CD109: variants seen among roughly 807,000 people sequenced by gnomAD.
The protein encoded by CD109 is CD109 antigen.
In CD109, 149 loss-of-function variants were observed where a neutral mutation model predicts 165.8. The ratio of observed to expected loss-of-function variants is 0.90; its 90% CI spans 0.79 to 1.03. The LOEUF (loss-of-function observed/expected upper bound fraction) is 1.03. Among genes scored for constraint, CD109 ranks in the 50% least tolerant of loss-of-function variants. The pLI is 0.00. For synonymous variants in CD109, 585 were observed against 592.1 expected (o/e 0.99, Z 0.18); for missense variants, 1,712 against 1,677.8 (o/e 1.02, Z -0.36).
rs75884693 is a variant in CD109, at chr6:73,767,788, G to T, written c.1498-267G>T. ...ATTTTGCTAATTCAGCTTTCCCAATGGTGCCCTGTATTCCTTGCAATCAAA... is the reference window on the plus strand; with the variant it reads ...ATTTTGCTAATTCAGCTTTCCCAATTGTGCCCTGTATTCCTTGCAATCAAA... On this transcript the variant is annotated intron_variant, in intron 13 of 32. Coordinates refer to ENST00000287097, the MANE Select transcript of CD109 (RefSeq NM_133493.5). Among the ~76,000 whole-genome samples the T allele has an allele frequency of 3.8e-3, 580 of 152,222 alleles. 2 individuals are homozygous for T. The highest frequency in any genetic ancestry group is 0.013 in the African/African-American group (558 of 41,552).
At chr6:73,796,644 G>A (rs1193817350) in intron 23 of CD109, among the ~76,000 whole-genome samples, 1 of 152,082 alleles carries the variant, frequency 6.6e-6, no homozygotes, top group Non-Finnish European at 1.5e-5. Context: ...TCCAGAATGG[G>A]CGAATAACTT....
Position 73,768,250 on chromosome 6 carries a change from A to T in CD109, c.1674+19A>T. 6.9e-7 allele frequency: 1 copy of T among 1,458,054 alleles called. No homozygotes were observed. The highest frequency in any genetic ancestry group is 9.5e-7 in the Non-Finnish European group (1 of 1,053,874). 90.3% of individuals were successfully genotyped at this position (1,458,054 alleles called of 1,614,324 possible). A position where few individuals can be genotyped will look rare whatever the true frequency, so the allele number is the denominator to read the frequency against. ...AAATAAGGTAAGATTTAAGGTAATG[A>T]TGTTTAAAAGAAAACTTTATATTAG... On this transcript the variant is annotated intron_variant, in intron 14 of 32. Coordinates refer to ENST00000287097, the MANE Select transcript of CD109 (RefSeq NM_133493.5).
At chr6:73,766,216 G>A in intron 11 of CD109, 62 bp downstream of exon 11, 3 of 1,325,970 alleles carry the variant, frequency 2.3e-6, no homozygotes, top group Non-Finnish European at 3.2e-6. Flanking sequence ...TAATCTTGTG[G>A]TAGGCACTCA....
chr6:73,719,840 GAA>G (rs1771878463), intron 2 of CD109, among the ~76,000 whole-genome samples: 1 of 152,132 alleles, frequency 6.6e-6, no homozygotes. Context: ...TGGTTCCTTT[GAA>G]AGTTTTACCA....
chr6:73,744,057 A>G (rs9442955), intron 5 of CD109, among the ~76,000 whole-genome samples: 69,980 of 152,070 alleles, frequency 0.46, 17,777 homozygotes, highest in African/African-American at 0.69. Context: ...TAAGATATAT[A>G]TGTAAAATTT....
intron 22 of CD109, 114 bp from the exon 23 acceptor site, chr6:73,792,512 A>T: frequency 2.3e-6 from 2 of 880,730 alleles, no homozygotes; most frequent in Non-Finnish European, 3.6e-6. Flanking sequence ...GCAGTGGAAT[A>T]ATGATATTGC....
chr6:73,704,313 G>A (rs900250745), intron 2 of CD109, among the ~76,000 whole-genome samples: 1 of 152,108 alleles, frequency 6.6e-6, no homozygotes, highest in African/African-American at 2.4e-5. Flanking sequence ...TGGAAAGCTC[G>A]AGGGTGAGTA....
intron 5 of CD109, among the ~76,000 whole-genome samples, chr6:73,754,679 G>A (rs1034244650): frequency 6.6e-6 from 1 of 152,084 alleles, no homozygotes; most frequent in Non-Finnish European, 1.5e-5. Context: ...CACTTATTTT[G>A]TACTAGGTGC....
At chr6:73,756,736 G>A in intron 6 of CD109, 54 bp downstream of exon 6, 1 of 1,235,132 alleles carries the variant, frequency 8.1e-7, no homozygotes, top group Non-Finnish European at 1.1e-6. Flanking sequence ...ACTTTCAGCA[G>A]AGATTAGAGA....
intron 9 of CD109, among the ~76,000 whole-genome samples, 186 bp downstream of exon 9, chr6:73,763,068 T>G (rs929566259): frequency 4.0e-4 from 61 of 152,238 alleles, no homozygotes; most frequent in African/African-American, 1.4e-3. Context: ...TTATTTTCTA[T>G]GAAAGTCACT....
chr6:73,681,861 C>A, the CD109 span, among the ~76,000 whole-genome samples: 1 of 152,032 alleles, frequency 6.6e-6, no homozygotes, highest in African/African-American at 2.4e-5. Context: ...CCTTAGCCTC[C>A]CAAAGTGCTG....
chr6:73,762,331 G>A (rs1773667094), intron 7 of CD109, 53 bp from the exon 8 acceptor site: 8 of 1,110,366 alleles, frequency 7.2e-6, no homozygotes, highest in East Asian at 2.4e-5. Flanking sequence ...TTTTTATTGT[G>A]TTCTGACAAT....
At position 73,759,044 on chromosome 6, in the gene CD109, C is replaced by A. The variant is rs746778680; in HGVS notation, c.758+16C>A. The A allele has an allele frequency of 4.1e-6, 6 of 1,478,360 alleles. No individual in the cohort carries two copies. Among genetic ancestry groups the A allele is most frequent in the Non-Finnish European group, 4.7e-6 (5 of 1,058,934 alleles). The allele number at this position is 1,478,360 out of a possible 1,614,324, so 91.6% of individuals were successfully genotyped here. A position where few individuals can be genotyped will look rare whatever the true frequency, so the allele number is the denominator to read the frequency against. ...TCACGGCAAAGTAAGTGTCATTTTT[C>A]TTTTGATATGACTCAAAACCATTAT... is the stretch of plus-strand genomic sequence containing the variant. On this transcript the variant is annotated intron_variant, in intron 7 of 32. Coordinates refer to ENST00000287097, the MANE Select transcript of CD109 (RefSeq NM_133493.5).
intron 2 of CD109, among the ~76,000 whole-genome samples, chr6:73,705,623 AAAAAGAAAAGAAAAG>A (rs59423704): frequency 1.3e-5 from 2 of 148,790 alleles, no homozygotes; most frequent in South Asian, 2.1e-4. Flanking sequence ...CTGTCTCAAG[AAAAAGAAAAGAAAAG>A]AAAAGAAAAG....
chr6:73,747,369 A>G (rs1429719682), intron 5 of CD109, among the ~76,000 whole-genome samples: 2 of 151,928 alleles, frequency 1.3e-5, no homozygotes, highest in Non-Finnish European at 2.9e-5. Context: ...CTCTGCCTCC[A>G]TTTTCCCAAC....
At chr6:73,760,263 C>T (rs1255139879) in intron 7 of CD109, among the ~76,000 whole-genome samples, 1 of 151,628 alleles carries the variant, frequency 6.6e-6, no homozygotes, top group African/African-American at 2.4e-5. Flanking sequence ...AAAAATTAGC[C>T]GGGCGCGGTG....
the CD109 span, among the ~76,000 whole-genome samples, chr6:73,685,976 A>G: frequency 6.6e-6 from 1 of 152,190 alleles, no homozygotes; most frequent in Non-Finnish European, 1.5e-5. Context: ...AGGTGATGAG[A>G]GTATGCATTC....
chr6:73,681,221 A>C, the CD109 span, among the ~76,000 whole-genome samples: 3 of 152,078 alleles, frequency 2.0e-5, no homozygotes, highest in Non-Finnish European at 4.4e-5. Context: ...TTATATATTT[A>C]AGGTATACAA....
chr6:73,792,315 G>A (rs1357494690), intron 22 of CD109, among the ~76,000 whole-genome samples: 1 of 152,048 alleles, frequency 6.6e-6, no homozygotes, highest in Non-Finnish European at 1.5e-5. Context: ...GTGTCTTACT[G>A]ATCAATTCTG....
Sources: allele counts gnomAD v4.1 joint callset (sites outside exome capture counted in the v4.1 genomes callset), GRCh38; gene constraint gnomAD v4.1.1; transcripts MANE v1.5; gene names NCBI Gene and HGNC (gene_info 2026-07-23, HGNC 2026-07-21).